DPF2: variants seen among roughly 807,000 people sequenced by gnomAD.
The protein encoded by DPF2 is double PHD fingers 2, also known as zinc finger protein ubi-d4.
In DPF2, 10 loss-of-function variants were observed where a neutral mutation model predicts 59.6. The observed-to-expected ratio is 0.17, with a 90% CI of 0.10 to 0.28. The LOEUF (loss-of-function observed/expected upper bound fraction) is 0.28. DPF2 is among the 10% of genes least tolerant of loss of function. The probability of loss-of-function intolerance (pLI) is 1.00; values close to 1 mark genes in which losing one functional copy is unlikely to be tolerated. For synonymous variants in DPF2, 189 were observed against 190.6 expected (o/e 0.99, Z 0.07); for missense variants, 315 against 509.4 (o/e 0.62, Z 3.67).
chr11:65,335,879 T>C (rs1950088633), intron 1 of DPF2, among the ~76,000 whole-genome samples: 1 of 152,094 alleles, frequency 6.6e-6, no homozygotes, highest in South Asian at 2.1e-4. Context: ...AGTGGCACGA[T>C]CTTGGCTCAC....
rs78756853 is a variant in DPF2, at chr11:65,351,568, C to A, written c.1100-115C>A. On this transcript the variant is annotated intron_variant, in intron 10 of 10. Transcript: ENST00000528416. Reference sequence around the variant, plus strand: ...TGGAACTTTCCTGCTGCAGAGCATCCCTCGTCCTACCTGTAGCTGATCCTG... The same window carrying A: ...TGGAACTTTCCTGCTGCAGAGCATCACTCGTCCTACCTGTAGCTGATCCTG... 3.0e-3 allele frequency: 2,532 copies of A among 852,828 alleles called. 23 individuals are homozygous for A. The highest frequency in any genetic ancestry group is 0.024 in the African/African-American group (1,459 of 59,740). 52.8% of individuals were successfully genotyped at this position (852,828 alleles called of 1,614,324 possible).
chr11:65,348,571 C>T, intron 9 of DPF2: 1 of 371,870 alleles, frequency 2.7e-6, no homozygotes. Context: ...ACAGCAATAC[C>T]CTGTCTCAAA....
chr11:65,335,867 G>C (rs1007952783), intron 1 of DPF2, among the ~76,000 whole-genome samples: 2 of 151,958 alleles, frequency 1.3e-5, no homozygotes, highest in African/African-American at 4.8e-5. Flanking sequence ...GGGCTGGAAT[G>C]CAGTGGCACG....
intron 1 of DPF2, among the ~76,000 whole-genome samples, chr11:65,335,838 G>GTCTCA (rs1297711576): frequency 6.6e-6 from 1 of 151,950 alleles, no homozygotes; most frequent in Non-Finnish European, 1.5e-5. Flanking sequence ...TTTAGACAGA[G>GTCTCA]TCTCACTGTT....
In DPF2 at chr11:65,353,443, G is replaced by C. The variant is rs1854782238; in HGVS notation, c.*1684G>C. Among the ~76,000 whole-genome samples, 1 of 152,206 alleles carries C rather than the reference G, an allele frequency of 6.6e-6. No individual in the cohort carries two copies. Among genetic ancestry groups the C allele is most frequent in the Non-Finnish European group, 1.5e-5 (1 of 68,034 alleles). The stretch of plus-strand genomic sequence containing the variant: ...CCATGGGACACACACAAAAGTTCTT[G>C]CAGGAGCAGGGTCTGTGTGGCTTCA... On this transcript the variant is annotated 3_prime_UTR_variant, in exon 11 of 11. Coordinates refer to ENST00000528416, the MANE Select transcript of DPF2 (RefSeq NM_006268.5).
Position 65,337,477 on chromosome 11 carries a change from ATATATAT to A in DPF2, c.33-2907_33-2901del, listed in dbSNP as rs1565527376. On this transcript the variant is annotated intron_variant, in intron 1 of 10. Coordinates refer to ENST00000528416, the MANE Select transcript of DPF2 (RefSeq NM_006268.5). ...CAAAAAAAAAAAAAAAAAAAAAAATATATATATATATATATATATATATATATAGAGA... is the reference window on the plus strand; with the variant it reads ...CAAAAAAAAAAAAAAAAAAAAAAATAATATATATATATATATATATAGAGA... Among the ~76,000 whole-genome samples the A allele has an allele frequency of 2.1e-3, 72 of 33,972 alleles. 2 individuals carry two copies. Among genetic ancestry groups the A allele is most frequent in the South Asian group, 4.8e-3 (3 of 626 alleles). The allele number at this position is 33,972 out of a possible 152,430, so 22.3% of individuals were successfully genotyped here.
At chr11:65,346,673 A>C in intron 9 of DPF2, 1 of 245,132 alleles carries the variant, frequency 4.1e-6, no homozygotes, top group Non-Finnish European at 7.9e-6. Context: ...TGTGCCATGA[A>C]AAAAACGAAA....
intron 4 of DPF2, among the ~76,000 whole-genome samples, chr11:65,342,460 C>CA (rs2137695853): frequency 6.6e-6 from 1 of 152,148 alleles, no homozygotes; most frequent in East Asian, 1.9e-4. Context: ...GGGAGGGAAA[C>CA]AAACTTTTAT....
intron 8 of DPF2, 29 bp from the exon 9 acceptor site, chr11:65,346,218 G>C: frequency 6.2e-7 from 1 of 1,610,272 alleles, no homozygotes; most frequent in Non-Finnish European, 8.5e-7. Flanking sequence ...ATTTCCGACT[G>C]TCTGTCTCAC....
At chr11:65,349,277 T>C (rs1201895413) in intron 10 of DPF2, among the ~76,000 whole-genome samples, 1 of 152,202 alleles carries the variant, frequency 6.6e-6, no homozygotes, top group African/African-American at 2.4e-5. Context: ...CTCTTGAAAT[T>C]TGATAGATTT....
At chr11:65,341,200 C>G in intron 3 of DPF2, 127 bp downstream of exon 3, 1 of 1,260,286 alleles carries the variant, frequency 7.9e-7, no homozygotes. Context: ...TGATTCTTTC[C>G]TTTAAGGACC....
chr11:65,343,626 G>A lies in DPF2; in HGVS notation c.466-119G>A, dbSNP rs577237405. 8.4e-6 allele frequency: 7 copies of A among 835,668 alleles called. No individual in the cohort carries two copies. The African/African-American group carries it at 1.2e-4, about 14-fold the overall frequency. 51.8% of individuals were successfully genotyped at this position (835,668 alleles called of 1,614,324 possible). On this transcript the variant is annotated intron_variant, in intron 4 of 10. Coordinates refer to ENST00000528416, the MANE Select transcript of DPF2 (RefSeq NM_006268.5). ...CTTGAAAGGCGTTGGTGAGGAATGA[G>A]GCTGGTGTGGGTGGGACCACGTCAC...
At chr11:65,340,581 G>A (rs576984832) in intron 2 of DPF2, 36 bp downstream of exon 2, 2 of 1,609,844 alleles carry the variant, frequency 1.2e-6, no homozygotes, top group Admixed American at 3.4e-5. Context: ...GGACTCAGGA[G>A]CATAAGGAGG....
intron 6 of DPF2, 43 bp from the exon 7 acceptor site, chr11:65,345,623 C>CT: frequency 1.2e-6 from 2 of 1,611,042 alleles, no homozygotes; most frequent in Non-Finnish European, 1.7e-6. Context: ...ACATGGCACT[C>CT]TTGTATCCTA....
At position 65,340,985 on chromosome 11, in the gene DPF2, G is replaced by A; in HGVS notation, c.213G>A (p.Leu71=). 1 of 1,614,038 alleles carries A rather than the reference G, an allele frequency of 6.2e-7. No individual in the cohort carries two copies. The highest frequency in any genetic ancestry group is 8.5e-7 in the Non-Finnish European group (1 of 1,180,026). The change falls in exon 3 of 11, where the codon CTG becomes CTA. Residue 71 remains leucine (L), a synonymous_variant. Coordinates refer to ENST00000528416, the MANE Select transcript of DPF2 (RefSeq NM_006268.5). ...CCACAGGATTGGCCTCCGGACAGCT[G>A]TACTCCTACCCTGCCCGGCGCTGGC... is the stretch of plus-strand genomic sequence containing the variant. ...HRGPGLASGQ[L]YSYPARRWRK... is the part of the protein sequence containing the mutation.
intron 4 of DPF2, 98 bp from the exon 5 acceptor site, chr11:65,343,647 G>A (rs962461885): frequency 2.3e-5 from 27 of 1,169,912 alleles, no homozygotes; most frequent in Admixed American, 8.2e-5. Context: ...GTGGGACCAC[G>A]TCACAGAGGA....
intron 1 of DPF2, among the ~76,000 whole-genome samples, chr11:65,338,820 G>A (rs1854283415): frequency 6.6e-6 from 1 of 152,132 alleles, no homozygotes; most frequent in African/African-American, 2.4e-5. Context: ...TCTAGAGCAG[G>A]GTTTGTTGGT....
At chr11:65,344,926 TG>T in intron 6 of DPF2, 2 of 378,936 alleles carry the variant, frequency 5.3e-6, no homozygotes, top group South Asian at 6.7e-5. Context: ...ACCAGGCAGC[TG>T]GTGGTCAGCT....
At chr11:65,344,144 G>GT in intron 6 of DPF2, 75 bp downstream of exon 6, 1 of 1,497,736 alleles carries the variant, frequency 6.7e-7, no homozygotes, top group Non-Finnish European at 9.3e-7. Flanking sequence ...AGGAGGGAGG[G>GT]TTGTGTTTTT....
Sources: allele counts gnomAD v4.1 joint callset (sites outside exome capture counted in the v4.1 genomes callset), GRCh38; gene constraint gnomAD v4.1.1; transcripts MANE v1.5; gene names NCBI Gene and HGNC (gene_info 2026-07-23, HGNC 2026-07-21).